Variants in TPPP2 observed in about 807,000 individuals in gnomAD.
The protein encoded by TPPP2 is tubulin polymerization-promoting protein family member 2.
In TPPP2, 8 loss-of-function variants were observed where a neutral mutation model predicts 13.0. The observed-to-expected ratio is 0.62, with a 90% CI of 0.36 to 1.11. The LOEUF (loss-of-function observed/expected upper bound fraction) is 1.11. TPPP2 is among the 50% of genes most tolerant of loss of function. The pLI is 0.02. For missense variants in TPPP2, 213 were observed against 216.9 expected (o/e 0.98, Z 0.11); for synonymous variants, 81 against 81.8 (o/e 0.99, Z 0.05).
At position 21,024,903 on chromosome 14, in the gene TPPP2, C is replaced by A. The variant is rs902232016; in HGVS notation, n.236+559C>A. 19 of 985,496 alleles carry A rather than the reference C, an allele frequency of 1.9e-5. No homozygotes were observed. The African/African-American group carries it at 3.0e-4, about 15-fold the overall frequency. The allele number at this position is 985,496 out of a possible 1,614,324, so 61.0% of individuals were successfully genotyped here. ...TCAGCCTTTGTGCGCAGCAACCGAG[C>A]GCCCGCTCCGTGCTGGCCCTTTCCC... On this transcript the variant is annotated intron_variant and non_coding_transcript_variant, in intron 1 of 1. Transcript: ENST00000533755.
Position 21,032,338 on chromosome 14 carries a change from T to C in TPPP2, c.*261T>C. On this transcript the variant is annotated 3_prime_UTR_variant, in exon 4 of 4. Coordinates refer to ENST00000321760, the MANE Select transcript of TPPP2 (RefSeq NM_173846.5). Reference sequence around the variant, plus strand: ...TCAACAGCTGCTTCCAAGAACAGGATGGAAGAATATATTTGGAGTAAAGAG... The same window carrying C: ...TCAACAGCTGCTTCCAAGAACAGGACGGAAGAATATATTTGGAGTAAAGAG... The C allele has an allele frequency of 1.7e-6, 1 of 574,934 alleles. No individual in the cohort carries two copies. Among genetic ancestry groups the C allele is most frequent in the Non-Finnish European group, 3.3e-6 (1 of 304,110 alleles). 35.6% of individuals were successfully genotyped at this position (574,934 alleles called of 1,614,324 possible).
chr14:21,025,049 TC>T lies in TPPP2; in HGVS notation n.236+707del, dbSNP rs1432324074. 26 of 985,786 alleles carry T rather than the reference TC, an allele frequency of 2.6e-5. No individual in the cohort carries two copies. The highest frequency in any genetic ancestry group is 3.1e-5 in the Non-Finnish European group (26 of 830,496). The allele number at this position is 985,786 out of a possible 1,614,324, so 61.1% of individuals were successfully genotyped here. A position where few individuals can be genotyped will look rare whatever the true frequency, so the allele number is the denominator to read the frequency against. On this transcript the variant is annotated intron_variant and non_coding_transcript_variant, in intron 1 of 1. Transcript: ENST00000533755. The surrounding 1 kb of genome is among the most constrained non-coding windows in gnomAD (Gnocchi z 5.1). ...CCTACCTGCTGCCGCCGCGGCCGCT[TC>T]CACCTTCACTTGCCTTTGACTCGGG...
downstream of TPPP2, chr14:21,033,827 C>A (rs199616382): frequency 7.9e-4 from 1,260 of 1,603,670 alleles, 3 homozygotes; most frequent in Middle Eastern, 2.0e-3. Flanking sequence ...ATTAAATTCC[C>A]GAATAGAGAC....
At chr14:21,025,805 C>A, upstream of TPPP2, 1 of 203,856 alleles carries the variant, frequency 4.9e-6, no homozygotes, top group Non-Finnish European at 5.8e-6. The surrounding 1 kb of genome is among the most constrained non-coding windows in gnomAD (Gnocchi z 5.1). Context: ...CGCGGGCAGG[C>A]GGGGGGTGGG....
At chr14:21,024,516 G>A (rs551435713) in intron 1 of TPPP2, 1 of 985,318 alleles carries the variant, frequency 1.0e-6, no homozygotes, top group South Asian at 4.7e-5. Flanking sequence ...CCAGTAAGAG[G>A]AGGGTAGCAG....
chr14:21,032,582 C>T lies in TPPP2; in HGVS notation c.*505C>T, dbSNP rs1594480619. The stretch of plus-strand genomic sequence containing the variant: ...GTAGAAGCCAGCTAAGGTTGCCTGA[C>T]TTCTATTACAAATTTGTTCCAGAGC... On this transcript the variant is annotated 3_prime_UTR_variant, in exon 4 of 4. Transcript: ENST00000321760. 1 of 344,834 alleles carries T rather than the reference C, an allele frequency of 2.9e-6. No homozygotes were observed. Among genetic ancestry groups the T allele is most frequent in the South Asian group, 2.2e-5 (1 of 46,248 alleles). The allele number at this position is 344,834 out of a possible 1,614,324, so 21.4% of individuals were successfully genotyped here. A position where few individuals can be genotyped will look rare whatever the true frequency, so the allele number is the denominator to read the frequency against.
chr14:21,034,352 C>T (rs1303590350), downstream of TPPP2: 1 of 1,186,006 alleles, frequency 8.4e-7, no homozygotes, highest in Non-Finnish European at 1.2e-6. Context: ...CTGTCTGCCA[C>T]ATCCCAGAGC....
downstream of TPPP2, chr14:21,035,806 C>G (rs1440878598): frequency 2.2e-6 from 1 of 456,280 alleles, no homozygotes; most frequent in Admixed American, 2.3e-5. Flanking sequence ...TCCCTGGTTA[C>G]CTATGCAAGA....
chr14:21,028,214 T>A (rs1883824788), upstream of TPPP2, among the ~76,000 whole-genome samples: 2 of 151,950 alleles, frequency 1.3e-5, no homozygotes, highest in South Asian at 4.1e-4. Context: ...ATAATCTGGT[T>A]CTTAGGTTTT....
At chr14:21,024,682 A>G in intron 1 of TPPP2, 3 of 985,376 alleles carry the variant, frequency 3.0e-6, no homozygotes, top group Non-Finnish European at 3.6e-6. Flanking sequence ...ACGGCCCGCG[A>G]AGGCAAGCGC....
upstream of TPPP2, among the ~76,000 whole-genome samples, chr14:21,026,064 A>G (rs369913160): frequency 7.3e-5 from 11 of 151,524 alleles, no homozygotes; most frequent in East Asian, 1.4e-3. Flanking sequence ...CTGAATCGCA[A>G]TGCCCGGGGG....
At chr14:21,026,135 TACACAC>T (rs1264366155), upstream of TPPP2, among the ~76,000 whole-genome samples, 2 of 151,820 alleles carry the variant, frequency 1.3e-5, no homozygotes, top group Admixed American at 6.6e-5. Context: ...CTGTAGACTT[TACACAC>T]ACACGCACAC....
downstream of TPPP2, chr14:21,033,950 G>A: frequency 6.2e-7 from 1 of 1,614,014 alleles, no homozygotes; most frequent in Non-Finnish European, 8.5e-7. Flanking sequence ...GGTGGCTCAG[G>A]GAGCAGACCG....
At chr14:21,031,808 T>C (rs1884191075) in intron 3 of TPPP2, 84 bp from the exon 4 acceptor site, 1 of 1,461,724 alleles carries the variant, frequency 6.8e-7, no homozygotes, top group South Asian at 1.3e-5. Context: ...AAGCACTTGT[T>C]CTAAGTATCT....
chr14:21,036,323 T>C (rs1884625514), downstream of TPPP2: 2 of 454,262 alleles, frequency 4.4e-6, no homozygotes, highest in Admixed American at 4.7e-5. Flanking sequence ...CAATAGCTTG[T>C]TTCTCATAGG....
At position 21,031,130 on chromosome 14, in the gene TPPP2, A is replaced by T. The variant is rs1315949260; in HGVS notation, c.292A>T (p.Met98Leu). ...AGTCCTGGAGAACATTTATGGACTCATGGAGGGCAAAGACCCAGCCACCAC... is the reference window on the plus strand; with the variant it reads ...AGTCCTGGAGAACATTTATGGACTCTTGGAGGGCAAAGACCCAGCCACCAC... ...DEVLENIYGL[M>L]EGKDPATTGA... Residue 98 changes from methionine (M) to leucine (L), a missense_variant, in exon 3 of 4, where the codon ATG becomes TTG. By Grantham distance (15) the Met-to-Leu change is conservative (BLOSUM62 2). Transcript: ENST00000321760. 11 of 1,614,032 alleles carry T rather than the reference A, an allele frequency of 6.8e-6. No homozygotes were observed. In the Admixed American group the frequency reaches 1.8e-4, roughly 27 times the overall value.
chr14:21,031,049 A>G lies in TPPP2; in HGVS notation c.211A>G (p.Lys71Glu). 1 of 1,613,998 alleles carries G rather than the reference A, an allele frequency of 6.2e-7. No homozygotes were observed. Among genetic ancestry groups the G allele is most frequent in the Non-Finnish European group, 8.5e-7 (1 of 1,179,956 alleles). ...CCGAACCATCACGTTTCAACAGTTC[A>G]AAGAGGCAGTGAAGGAACTGGGCCA... is the stretch of plus-strand genomic sequence containing the variant. The part of the protein sequence containing the change: ...NARTITFQQF[K>E]EAVKELGQKR... The change falls in exon 3 of 4, where the codon AAA becomes GAA. Residue 71 changes from lysine (K) to glutamate (E), a missense_variant. Lys to Glu is a moderately conservative substitution (Grantham distance 56). Transcript: ENST00000321760.
At chr14:21,030,450 A>C in intron 1 of TPPP2, 63 bp from the exon 2 acceptor site, 1 of 883,616 alleles carries the variant, frequency 1.1e-6, no homozygotes, top group Non-Finnish European at 1.7e-6. Context: ...GCAACAGGGA[A>C]GAGGGGAGCT....
rs369577466 is a variant in TPPP2 at position 21,030,746 on chromosome 14, C to A, written c.165C>A (p.Ser55Arg). The change falls in exon 2 of 4, where the codon AGC (serine) becomes AGA (arginine). Residue 55 changes from serine to arginine, a missense_variant. Physicochemically the swap from Ser to Arg is moderately radical, Grantham distance 110 (BLOSUM62 -1). Transcript: ENST00000321760. ...VTSTDVDIVF[S>R]KVKAKNARTI... ...CCACGGACGTGGACATCGTGTTCAG[C>A]AAAGTCAAGTGAGGAGCCAAAAATA... The A allele has an allele frequency of 3.1e-6, 5 of 1,613,758 alleles. No individual in the cohort carries two copies. Among genetic ancestry groups the A allele is most frequent in the Non-Finnish European group, 4.2e-6 (5 of 1,179,900 alleles).
Sources: gnomAD v4.1 joint callset for allele counts (sites outside exome capture counted in the v4.1 genomes callset) on GRCh38, gnomAD v4.1.1 for gene constraint, Gnocchi (gnomAD v3.1) non-coding constraint, MANE v1.5 for transcripts, NCBI Gene and HGNC (gene_info 2026-07-23, HGNC 2026-07-21) for gene names.